GRM1: variants seen among roughly 807,000 people sequenced by gnomAD.
GRM1 encodes the protein metabotropic glutamate receptor 1.
A neutral mutation model predicts 90.9 loss-of-function variants in GRM1; 33 were observed. The ratio of observed to expected loss-of-function variants is 0.36; its 90% confidence interval spans 0.28 to 0.49. The LOEUF (loss-of-function observed/expected upper bound fraction) is 0.49, where lower values mean the gene tolerates loss of function less well. GRM1 is among the 20% of genes least tolerant of loss of function. GRM1 has a pLI of 0.99. For missense variants in GRM1, 1,190 were observed against 1,534.3 expected, an observed-to-expected ratio of 0.78 and a Z score of 3.75; for synonymous variants, 700 against 613.2, an observed-to-expected ratio of 1.14 and a Z score of -2.09.
intron 2 of GRM1, among the ~76,000 whole-genome samples, chr6:146,294,511 T>C (rs2114895801): frequency 6.6e-6 from 1 of 151,942 alleles, no homozygotes; most frequent in East Asian, 1.9e-4. Flanking sequence ...AATTTCCATG[T>C]ATGCCATCGA....
intron 1 of GRM1, among the ~76,000 whole-genome samples, chr6:146,066,160 G>A (rs149372255): frequency 6.6e-6 from 1 of 152,210 alleles, no homozygotes; most frequent in African/African-American, 2.4e-5. Context: ...AAATGAATCC[G>A]TCACCTAGGT....
intron 4 of GRM1, among the ~76,000 whole-genome samples, chr6:146,355,142 A>C (rs1366487287): frequency 6.6e-6 from 1 of 152,206 alleles, no homozygotes; most frequent in Non-Finnish European, 1.5e-5. Flanking sequence ...ATGTAATCTG[A>C]AATAAAACAC....
At chr6:146,266,169 C>T (rs1352997399) in intron 2 of GRM1, among the ~76,000 whole-genome samples, 2 of 151,718 alleles carry the variant, frequency 1.3e-5, no homozygotes, top group Admixed American at 1.3e-4. Context: ...AACCTGGTGA[C>T]AGAACAAGAC....
intron 1 of GRM1, among the ~76,000 whole-genome samples, chr6:146,127,237 G>A (rs1024340112): frequency 6.6e-6 from 1 of 152,142 alleles, no homozygotes; most frequent in Non-Finnish European, 1.5e-5. Flanking sequence ...GAGAGCCAGG[G>A]GCTACACTGA....
chr6:146,029,952 G>C lies in GRM1; in HGVS notation c.435G>C (p.Gln145His), dbSNP rs1424997624. Residue 145 changes from glutamine (Q) to histidine (H), a missense_variant, in exon 1 of 8, where the codon CAG (glutamine) becomes CAC (histidine). By Grantham distance (24) the Gln-to-His change is conservative. Around this residue, in one of 10 missense-constraint regions of GRM1, gnomAD observed 91 missense variants for 95.6 expected, o/e 0.95. Coordinates refer to ENST00000282753, the MANE Select transcript of GRM1 (RefSeq NM_001278064.2). ...TCAACCGGTGTCTGCCTGACGGCCA[G>C]TCCCTCCCCCCAGGCAGGACTAAGA... is the stretch of plus-strand genomic sequence containing the variant. ...DGINRCLPDG[Q>H]SLPPGRTKKP... The C allele has an allele frequency of 3.7e-6, 6 of 1,614,140 alleles. No individual in the cohort carries two copies. Among genetic ancestry groups the C allele is most frequent in the South Asian group, 1.1e-5 (1 of 91,078 alleles).
rs997478976 is a variant in GRM1, at chr6:146,290,458, T to G, written c.951-14153T>G. On this transcript the variant is annotated intron_variant, in intron 2 of 7. Coordinates refer to ENST00000282753, the MANE Select transcript of GRM1 (RefSeq NM_001278064.2). ...GAAATAGACTGATAAACTATTCAGTTGCAAACATGTGCTACCATTCATAAA... is the reference window on the plus strand; with the variant it reads ...GAAATAGACTGATAAACTATTCAGTGGCAAACATGTGCTACCATTCATAAA... Among the ~76,000 whole-genome samples, 8 of 152,186 alleles carry G rather than the reference T, an allele frequency of 5.3e-5. No individual in the cohort carries two copies. In the South Asian group the frequency reaches 8.3e-4, roughly 16 times the overall value.
At chr6:146,226,584 TAGG>T (rs1780247727) in intron 2 of GRM1, among the ~76,000 whole-genome samples, 2 of 151,912 alleles carry the variant, frequency 1.3e-5, no homozygotes, top group South Asian at 2.1e-4. Flanking sequence ...AGCTCACTAT[TAGG>T]AGTATAATTG....
chr6:146,378,434 C>T (rs55647026), intron 5 of GRM1, among the ~76,000 whole-genome samples: 3,223 of 152,302 alleles, frequency 0.021, 42 homozygotes, highest in Non-Finnish European at 0.032. Flanking sequence ...GGGAACCCAC[C>T]TCTTGCATCA....
intron 7 of GRM1, among the ~76,000 whole-genome samples, chr6:146,404,018 T>A (rs774682321): frequency 7.2e-5 from 11 of 152,112 alleles, no homozygotes; most frequent in Non-Finnish European, 1.3e-4. Context: ...ATAGTCACTA[T>A]ACCCTAGTAG....
chr6:146,307,960 G>A (rs1219911909), intron 3 of GRM1, among the ~76,000 whole-genome samples: 1 of 152,116 alleles, frequency 6.6e-6, no homozygotes, highest in Non-Finnish European at 1.5e-5. Flanking sequence ...GTATATCAAG[G>A]GATTGGAGGT....
At chr6:146,281,246 C>T (rs1405876455) in intron 2 of GRM1, among the ~76,000 whole-genome samples, 1 of 152,124 alleles carries the variant, frequency 6.6e-6, no homozygotes, top group African/African-American at 2.4e-5. Flanking sequence ...ACTGGTGTAA[C>T]AGGAAGTAAA....
chr6:146,404,132 GC>G, intron 7 of GRM1, among the ~76,000 whole-genome samples: 1 of 152,116 alleles, frequency 6.6e-6, no homozygotes, highest in Non-Finnish European at 1.5e-5. Context: ...AGCTTTAAAA[GC>G]TACTGTAATT....
chr6:146,392,088 G>C (rs936307451), intron 6 of GRM1, among the ~76,000 whole-genome samples: 1 of 152,110 alleles, frequency 6.6e-6, no homozygotes, highest in Non-Finnish European at 1.5e-5. Context: ...AGGGGAACTT[G>C]GATTTACGAT....
chr6:146,430,290 G>A (rs1778362243), intron 7 of GRM1, among the ~76,000 whole-genome samples: 1 of 152,170 alleles, frequency 6.6e-6, no homozygotes, highest in African/African-American at 2.4e-5. Context: ...GCAACCTCAG[G>A]CCTGCCTAGC....
chr6:146,327,075 T>C (rs1784422206), intron 3 of GRM1, among the ~76,000 whole-genome samples: 1 of 152,210 alleles, frequency 6.6e-6, no homozygotes, highest in Admixed American at 6.5e-5. Context: ...GTTAGATTTA[T>C]CACAATCAGT....
At chr6:146,249,633 T>G (rs894228437) in intron 2 of GRM1, among the ~76,000 whole-genome samples, 4 of 152,086 alleles carry the variant, frequency 2.6e-5, no homozygotes, top group South Asian at 2.1e-4. Context: ...AGAGACCTCA[T>G]GGAGAACCTC....
chr6:146,214,647 T>C (rs1779806963), intron 2 of GRM1, among the ~76,000 whole-genome samples: 2 of 152,196 alleles, frequency 1.3e-5, no homozygotes, highest in African/African-American at 2.4e-5. Flanking sequence ...TAGGGGAATA[T>C]ATTTGTAGTA....
intron 3 of GRM1, among the ~76,000 whole-genome samples, chr6:146,345,235 A>G (rs1425213301): frequency 6.6e-6 from 1 of 152,168 alleles, no homozygotes; most frequent in Non-Finnish European, 1.5e-5. Flanking sequence ...CATTTCATCT[A>G]CTTGGCATAT....
chr6:146,155,612 T>C (rs1486454459), intron 1 of GRM1, among the ~76,000 whole-genome samples: 1 of 152,030 alleles, frequency 6.6e-6, no homozygotes, highest in East Asian at 1.9e-4. Flanking sequence ...TCAAAGGAGG[T>C]GATATTTCTT....
Sources: gnomAD v4.1 joint callset for allele counts (sites outside exome capture counted in the v4.1 genomes callset) on GRCh38, gnomAD v4.1.1 for gene constraint, gnomAD v4.1.1 regional missense constraint, MANE v1.5 for transcripts, NCBI Gene and HGNC (gene_info 2026-07-23, HGNC 2026-07-21) for gene names.